The following ZFYVE27 variants were observed in gnomAD, a reference collection of about 807,000 sequenced individuals.
The protein encoded by ZFYVE27 is zinc finger FYVE-type containing 27.
Under a neutral mutation model 52.8 loss-of-function variants are expected in ZFYVE27, and 36 were observed. That is an observed-to-expected ratio of 0.68 (90% CI 0.52 to 0.90). The LOEUF is 0.90. ZFYVE27 is among the 40% of genes least tolerant of loss of function. The pLI, the probability that ZFYVE27 is intolerant of heterozygous loss-of-function variation, is 0.00. For synonymous variants in ZFYVE27, 223 were observed against 215.6 expected (o/e 1.03, Z -0.30); for missense variants, 450 against 527.2 (o/e 0.85, Z 1.43).
rs762795384 is a variant in ZFYVE27 at position 97,753,137 on chromosome 10, C to T, written c.997C>T (p.Arg333Trp). 11 of 1,612,126 alleles carry T rather than the reference C, an allele frequency of 6.8e-6. No homozygotes were observed. Among genetic ancestry groups the T allele is most frequent in the East Asian group, 2.2e-5 (1 of 44,792 alleles). ...KNEVLRSKVSRLTERLRKRYP... is the reference protein window; with the variant it reads ...KNEVLRSKVSWLTERLRKRYP... The stretch of plus-strand genomic sequence containing the variant: ...TGAGGTGCTGCGCAGCAAGGTGTCT[C>T]GGCTCACGGAGCGGCTCCGCAAGCG... Residue 333 changes from arginine to tryptophan, a missense_variant, in exon 10 of 13, where the codon CGG (arginine) becomes TGG (tryptophan). Arg to Trp is a moderately radical substitution (Grantham distance 101). Transcript: ENST00000684270.
At position 97,750,437 on chromosome 10, in the gene ZFYVE27, G is replaced by A; in HGVS notation, c.771G>A (p.Leu257=). Residue 257 remains leucine, a synonymous_variant, in exon 7 of 13, where the codon CTG becomes CTA. Coordinates refer to ENST00000684270, the MANE Select transcript of ZFYVE27 (RefSeq NM_001385875.1). ...CAGATGTTGGGGGGAAGGATGGTCT[G>A]ATGGACAGCACGCCTGCCCTCACAC... ...PPPDVGGKDG[L]MDSTPALTPT... is the part of the protein sequence containing the mutation. 6.2e-7 allele frequency: 1 copy of A among 1,614,188 alleles called. No individual in the cohort carries two copies. The highest frequency in any genetic ancestry group is 1.1e-5 in the South Asian group (1 of 91,082).
Position 97,743,621 on chromosome 10 carries a change from C to G in ZFYVE27, c.268+457C>G, listed in dbSNP as rs142269970. On this transcript the variant is annotated intron_variant, in intron 3 of 12. Coordinates refer to ENST00000684270, the MANE Select transcript of ZFYVE27 (RefSeq NM_001385875.1). ...ATTCAAGGGTCATCTGGGGACATGG[C>G]ATGAGTAAAGGTACTGGGATGAGGA... 2.2e-4 allele frequency among the ~76,000 whole-genome samples: 33 copies of G among 152,298 alleles called. No homozygotes were observed. The East Asian group carries it at 5.2e-3, about 24-fold the overall frequency.
At chr10:97,754,282 T>G (rs2047761255) in intron 10 of ZFYVE27, among the ~76,000 whole-genome samples, 1 of 151,344 alleles carries the variant, frequency 6.6e-6, no homozygotes, top group Non-Finnish European at 1.5e-5. Flanking sequence ...TTCTTTCTGC[T>G]GTGTGAATGT....
chr10:97,738,109 C>G (rs78358216), intron 1 of ZFYVE27, among the ~76,000 whole-genome samples: 1 of 152,082 alleles, frequency 6.6e-6, no homozygotes, highest in African/African-American at 2.4e-5. Flanking sequence ...GTCTCCCAGT[C>G]CAGAGTTGGG....
In ZFYVE27 at chr10:97,738,950, G is replaced by A; in HGVS notation, c.197+276G>A. ...TTCCTCTGGACTGCTGGACAACCTT[G>A]AACATCACGCCTTCTACAGCTTAGA... On this transcript the variant is annotated intron_variant, in intron 2 of 12. Transcript: ENST00000684270. 3 of 465,070 alleles carry A rather than the reference G, an allele frequency of 6.5e-6. No individual in the cohort carries two copies. The South Asian group carries it at 7.4e-5, about 11-fold the overall frequency. The allele number at this position is 465,070 out of a possible 1,614,324, so 28.8% of individuals were successfully genotyped here.
intron 7 of ZFYVE27, among the ~76,000 whole-genome samples, chr10:97,750,718 G>A (rs1190528471): frequency 6.6e-6 from 1 of 151,840 alleles, no homozygotes; most frequent in Admixed American, 6.6e-5. Context: ...TGGAGTGCAG[G>A]TTCTTTCTTT....
chr10:97,738,341 A>G (rs2135869323), intron 1 of ZFYVE27, 136 bp from the exon 2 acceptor site: 1 of 931,542 alleles, frequency 1.1e-6, no homozygotes. Context: ...GAGAGTACAA[A>G]GAACAGGATT....
At chr10:97,746,180 C>T (rs1315924001) in intron 4 of ZFYVE27, among the ~76,000 whole-genome samples, 1 of 151,618 alleles carries the variant, frequency 6.6e-6, no homozygotes, top group Non-Finnish European at 1.5e-5. Flanking sequence ...TCCAGAGTAG[C>T]TGGGATTACA....
chr10:97,743,068 A>G, intron 2 of ZFYVE27, 26 bp from the exon 3 acceptor site: 2 of 1,613,322 alleles, frequency 1.2e-6, no homozygotes, highest in Admixed American at 1.7e-5. Context: ...GACTCTCTGT[A>G]GTGATCAGGA....
intron 4 of ZFYVE27, among the ~76,000 whole-genome samples, chr10:97,745,182 CT>C (rs386372198): frequency 6.1e-5 from 9 of 148,350 alleles, no homozygotes; most frequent in Admixed American, 2.0e-4. Flanking sequence ...TTCTTTCTTT[CT>C]TTTTTTTTTT....
At chr10:97,749,432 T>C in intron 5 of ZFYVE27, 42 bp from the exon 6 acceptor site, 2 of 1,503,384 alleles carry the variant, frequency 1.3e-6, no homozygotes, top group African/African-American at 1.4e-5. Flanking sequence ...CTCCTTCTGC[T>C]GTTACGAATT....
chr10:97,746,796 C>A (rs1353525050), intron 4 of ZFYVE27, among the ~76,000 whole-genome samples: 1 of 151,672 alleles, frequency 6.6e-6, no homozygotes, highest in Non-Finnish European at 1.5e-5. Flanking sequence ...CTCAAGTGAT[C>A]CTTCTGCCTC....
At chr10:97,748,007 C>T (rs916752023) in intron 4 of ZFYVE27, among the ~76,000 whole-genome samples, 4 of 152,198 alleles carry the variant, frequency 2.6e-5, no homozygotes, top group African/African-American at 9.7e-5. Context: ...GCCTGCCTGA[C>T]ATCAACAGTT....
chr10:97,747,222 G>A (rs1385194663), intron 4 of ZFYVE27, among the ~76,000 whole-genome samples: 1 of 152,166 alleles, frequency 6.6e-6, no homozygotes, highest in African/African-American at 2.4e-5. Flanking sequence ...GACAAGTGAT[G>A]TGTCATGTTC....
chr10:97,739,602 T>C (rs1019939938), intron 2 of ZFYVE27, among the ~76,000 whole-genome samples: 1 of 152,234 alleles, frequency 6.6e-6, no homozygotes, highest in African/African-American at 2.4e-5. Context: ...AATAACTCCT[T>C]GATATCATCC....
At chr10:97,746,049 ATATTTT>A (rs1217126562) in intron 4 of ZFYVE27, among the ~76,000 whole-genome samples, 70 of 35,236 alleles carry the variant, frequency 2.0e-3, no homozygotes, top group African/African-American at 4.1e-3. Flanking sequence ...ATATATATAT[ATATTTT>A]TTTTTTTTTT....
At chr10:97,749,683 T>G in intron 6 of ZFYVE27, 97 bp downstream of exon 6, 1 of 1,018,600 alleles carries the variant, frequency 9.8e-7, no homozygotes. Flanking sequence ...ATCATCAGTT[T>G]GCTGTGCTTC....
intron 10 of ZFYVE27, 98 bp downstream of exon 10, chr10:97,753,280 C>A: frequency 6.7e-7 from 1 of 1,492,270 alleles, no homozygotes; most frequent in Non-Finnish European, 9.0e-7. Flanking sequence ...AGTCTCAGAA[C>A]TGTGGGTACT....
Position 97,753,156 on chromosome 10 carries a change from G to T in ZFYVE27, c.1016G>T (p.Arg339Leu). The stretch of plus-strand genomic sequence containing the variant: ...GTGTCTCGGCTCACGGAGCGGCTCC[G>T]CAAGCGCTACCCCACCAACAACTTC... The part of the protein sequence containing the change: ...SKVSRLTERL[R>L]KRYPTNNFGN... Residue 339 changes from arginine (R) to leucine (L), a missense_variant, in exon 10 of 13, where the codon CGC becomes CTC. Transcript: ENST00000684270. 1 of 1,611,346 alleles carries T rather than the reference G, an allele frequency of 6.2e-7. No homozygotes were observed. Among genetic ancestry groups the T allele is most frequent in the Non-Finnish European group, 8.5e-7 (1 of 1,179,342 alleles).
Sources: allele counts gnomAD v4.1 joint callset (sites outside exome capture counted in the v4.1 genomes callset), GRCh38; gene constraint gnomAD v4.1.1; transcripts MANE v1.5; gene names NCBI Gene and HGNC (gene_info 2026-07-23, HGNC 2026-07-21).